The following TRAP1 variants were observed in gnomAD, a reference collection of about 807,000 sequenced individuals.
The protein encoded by TRAP1 is TNF receptor associated protein 1.
In TRAP1, 102 loss-of-function variants were observed where a neutral mutation model predicts 89.1. That is an observed-to-expected ratio of 1.15 (90% CI 0.98 to 1.35). The LOEUF is 1.35. Ranked by LOEUF, TRAP1 falls within the 40% of genes most tolerant of loss-of-function variation. TRAP1 has a pLI of 0.00. For missense variants in TRAP1, 1,256 were observed against 945.3 expected (o/e 1.33, Z -4.31); for synonymous variants, 508 against 388.0 (o/e 1.31, Z -3.64).
At chr16:3,715,115 GGAC>G (rs1001100261) in intron 1 of TRAP1, among the ~76,000 whole-genome samples, 1 of 152,220 alleles carries the variant, frequency 6.6e-6, no homozygotes, top group African/African-American at 2.4e-5. Context: ...AGAAGATGGA[GGAC>G]GAGAGGAGAG....
At chr16:3,658,427 C>G in intron 17 of TRAP1, 197 bp from the exon 18 acceptor site, 1 of 603,986 alleles carries the variant, frequency 1.7e-6, no homozygotes, top group South Asian at 2.0e-5. Context: ...GCCATTTTTC[C>G]GTTTTTAAAA....
At position 3,672,762 on chromosome 16, in the gene TRAP1, C is replaced by T. The variant is rs375364304; in HGVS notation, c.1103G>A (p.Arg368His). 4.6e-5 allele frequency: 74 copies of T among 1,611,120 alleles called. No individual in the cohort carries two copies. In the Admixed American group the frequency reaches 9.4e-4, roughly 20 times the overall value. ...ELGSSVALYS[R>H]KVLIQTKATD... is the part of the protein sequence containing the mutation. The stretch of plus-strand genomic sequence containing the variant: ...GGCCTTGGTCTGGATGAGGACTTTG[C>T]GGCTGTACAGTGCAACGCTGGAGCC... Residue 368 changes from arginine (R) to histidine (H), a missense_variant, in exon 10 of 18, where the codon CGC (arginine) becomes CAC (histidine). Coordinates refer to ENST00000246957, the MANE Select transcript of TRAP1 (RefSeq NM_016292.3).
chr16:3,689,269 G>A lies in TRAP1; in HGVS notation c.248-132C>T, dbSNP rs575229163. The A allele has an allele frequency of 3.8e-4, 259 of 681,162 alleles. 2 individuals are homozygous for A. Among genetic ancestry groups the A allele is most frequent in the Non-Finnish European group, 5.3e-4 (232 of 440,996 alleles). 42.2% of individuals were successfully genotyped at this position (681,162 alleles called of 1,614,324 possible). A position where few individuals can be genotyped will look rare whatever the true frequency, so the allele number is the denominator to read the frequency against. ...TTTTTTTTTTTTTTTTTTTGAGACG[G>A]AGTCTCGCTCTGTCACCCAGGCTGG... On this transcript the variant is annotated intron_variant, in intron 2 of 17. Transcript: ENST00000246957.
At chr16:3,658,307 C>G in intron 17 of TRAP1, 77 bp from the exon 18 acceptor site, 1 of 1,212,066 alleles carries the variant, frequency 8.3e-7, no homozygotes, top group Middle Eastern at 1.9e-4. Flanking sequence ...GACAGAGTCT[C>G]ACTGTTGCCG....
intron 1 of TRAP1, among the ~76,000 whole-genome samples, chr16:3,702,100 G>A (rs955709794): frequency 4.6e-5 from 7 of 152,026 alleles, no homozygotes; most frequent in South Asian, 4.2e-4. Context: ...CCCAGCCTGG[G>A]CGACACAGTG....
At chr16:3,674,263 G>C (rs2050955719) in intron 9 of TRAP1, 76 bp downstream of exon 9, 3 of 1,557,184 alleles carry the variant, frequency 1.9e-6, no homozygotes, top group Non-Finnish European at 1.8e-6. Context: ...TGTTAATCAT[G>C]TGACATCTGC....
At chr16:3,715,289 T>C (rs1349125815) in intron 1 of TRAP1, among the ~76,000 whole-genome samples, 1 of 151,888 alleles carries the variant, frequency 6.6e-6, no homozygotes, top group South Asian at 2.1e-4. Flanking sequence ...ATACAAAAAA[T>C]TAGCCAGGCA....
intron 11 of TRAP1, among the ~76,000 whole-genome samples, chr16:3,667,707 G>A (rs1381265108): frequency 6.6e-6 from 1 of 150,610 alleles, no homozygotes; most frequent in Non-Finnish European, 1.5e-5. Flanking sequence ...AATAAAACAG[G>A]AAATCAGCCC....
intron 11 of TRAP1, among the ~76,000 whole-genome samples, chr16:3,670,167 A>G (rs138319534): frequency 0.016 from 2,412 of 149,756 alleles, 51 homozygotes; most frequent in African/African-American, 0.055. Context: ...CGGATCACGA[A>G]GTCAGGAGAT....
intron 3 of TRAP1, 83 bp from the exon 4 acceptor site, chr16:3,686,219 CTG>C: frequency 6.7e-7 from 1 of 1,487,766 alleles, no homozygotes; most frequent in Non-Finnish European, 9.3e-7. Context: ...CTTCCAATAA[CTG>C]TTAAAAGGTA....
intron 11 of TRAP1, among the ~76,000 whole-genome samples, chr16:3,671,449 G>A (rs1326115340): frequency 2.0e-5 from 3 of 152,196 alleles, no homozygotes; most frequent in Non-Finnish European, 2.9e-5. Context: ...ACAACCCTGG[G>A]GCACAGGTGG....
intron 1 of TRAP1, among the ~76,000 whole-genome samples, chr16:3,707,974 CAGG>C (rs1408138038): frequency 1.3e-5 from 2 of 152,034 alleles, no homozygotes; most frequent in Admixed American, 1.3e-4. Flanking sequence ...CACTTGAGAC[CAGG>C]AGTTCAAGAC....
chr16:3,679,981 G>T, intron 4 of TRAP1, 191 bp from the exon 5 acceptor site: 1 of 584,232 alleles, frequency 1.7e-6, no homozygotes, highest in Non-Finnish European at 3.1e-6. Flanking sequence ...TGTAATCCCA[G>T]CACTATGGGA....
intron 16 of TRAP1, chr16:3,660,419 C>T (rs1412065132): frequency 6.6e-6 from 1 of 152,226 alleles, no homozygotes; most frequent in Non-Finnish European, 1.5e-5. Context: ...GCAGTGAGCT[C>T]TGATGGCGCC....
chr16:3,684,259 C>T (rs186766484), intron 4 of TRAP1, among the ~76,000 whole-genome samples: 2 of 152,068 alleles, frequency 1.3e-5, no homozygotes, highest in Admixed American at 6.6e-5. Context: ...ATTTTGCCAC[C>T]GGAATGATAC....
At chr16:3,686,650 G>A (rs921807370) in intron 3 of TRAP1, among the ~76,000 whole-genome samples, 11 of 152,062 alleles carry the variant, frequency 7.2e-5, no homozygotes, top group African/African-American at 2.7e-4. Flanking sequence ...CTGAAGTTAC[G>A]TGTCCATCTG....
chr16:3,699,282 G>A (rs2051332751), intron 1 of TRAP1, among the ~76,000 whole-genome samples: 1 of 152,164 alleles, frequency 6.6e-6, no homozygotes, highest in Admixed American at 6.5e-5. Context: ...GGCCCCAGCA[G>A]TTCACAATAA....
At chr16:3,694,254 T>C (rs905917416) in intron 1 of TRAP1, among the ~76,000 whole-genome samples, 1 of 152,054 alleles carries the variant, frequency 6.6e-6, no homozygotes, top group Non-Finnish European at 1.5e-5. Flanking sequence ...CCCACCCCCA[T>C]GCAGTGTGAC....
intron 1 of TRAP1, among the ~76,000 whole-genome samples, chr16:3,703,545 C>T (rs952761476): frequency 2.0e-5 from 3 of 151,938 alleles, no homozygotes; most frequent in South Asian, 2.1e-4. Flanking sequence ...TCATATGCCA[C>T]GCAGATCTCT....
Sources: gnomAD v4.1 joint callset for allele counts (sites outside exome capture counted in the v4.1 genomes callset) on GRCh38, gnomAD v4.1.1 for gene constraint, MANE v1.5 for transcripts, NCBI Gene and HGNC (gene_info 2026-07-23, HGNC 2026-07-21) for gene names.